The following ERICH3 variants were observed in gnomAD, a reference collection of about 807,000 sequenced individuals.
ERICH3 encodes the protein glutamate rich 3.
Under a neutral mutation model 131.1 loss-of-function variants are expected in ERICH3, and 126 were observed. The observed-to-expected ratio is 0.96, with a 90% CI of 0.83 to 1.11. The LOEUF is 1.11. Ranked by LOEUF, ERICH3 falls within the 50% of genes most tolerant of loss-of-function variation. ERICH3 has a pLI of 0.00. For synonymous variants in ERICH3, 695 were observed against 644.6 expected, an observed-to-expected ratio of 1.08 and a Z score of -1.18; for missense variants, 2,050 against 1,810.7, an observed-to-expected ratio of 1.13 and a Z score of -2.40.
At chr1:74,575,794 A>G (rs1484679279) in intron 13 of ERICH3, among the ~76,000 whole-genome samples, 1 of 152,252 alleles carries the variant, frequency 6.6e-6, no homozygotes, top group Non-Finnish European at 1.5e-5. Flanking sequence ...TCTAGGAGAG[A>G]AAGTGCTAAT....
chr1:74,610,264 C>G, intron 9 of ERICH3, among the ~76,000 whole-genome samples: 1 of 151,564 alleles, frequency 6.6e-6, no homozygotes, highest in East Asian at 1.9e-4. Context: ...TCTGAAAACA[C>G]CCAATGCCTC....
Position 74,588,466 on chromosome 1 carries a change from A to C in ERICH3, c.2176+1165T>G, listed in dbSNP as rs140946724. The stretch of plus-strand genomic sequence containing the variant: ...TTGAAGTAATAGATAACTATTCGAC[A>C]TCTTCAATTCCTAGTAGACCCCAGT... On this transcript the variant is annotated intron_variant, in intron 12 of 14. Coordinates refer to ENST00000326665, the MANE Select transcript of ERICH3 (RefSeq NM_001002912.5). 9.2e-3 allele frequency among the ~76,000 whole-genome samples: 1,408 copies of C among 152,292 alleles called. 66 individuals are homozygous for C. Among genetic ancestry groups the C allele is most frequent in the Admixed American group, 0.083 (1,265 of 15,280 alleles).
intron 12 of ERICH3, 24 bp from the exon 13 acceptor site, chr1:74,576,960 A>T: frequency 6.3e-7 from 1 of 1,581,718 alleles, no homozygotes; most frequent in Admixed American, 1.8e-5. Flanking sequence ...AAAAAAAGAA[A>T]AAAAAGGTCA....
chr1:74,601,587 A>G (rs1648133714), intron 10 of ERICH3, among the ~76,000 whole-genome samples: 2 of 151,898 alleles, frequency 1.3e-5, no homozygotes, highest in South Asian at 4.1e-4. Context: ...GAGGATGGAA[A>G]GTCATTTTAG....
intron 1 of ERICH3, among the ~76,000 whole-genome samples, chr1:74,660,030 G>A (rs546273018): frequency 6.6e-6 from 1 of 152,218 alleles, no homozygotes; most frequent in South Asian, 2.1e-4. Flanking sequence ...AACCCCATGT[G>A]TCAAGGGAGG....
At chr1:74,577,237 A>T in intron 12 of ERICH3, 1 of 142,006 alleles carries the variant, frequency 7.0e-6, no homozygotes. Flanking sequence ...TCTATTCCTT[A>T]GTTGAAAGAA....
chr1:74,601,549 G>C (rs1488101010), intron 10 of ERICH3, among the ~76,000 whole-genome samples: 1 of 151,866 alleles, frequency 6.6e-6, no homozygotes, highest in East Asian at 1.9e-4. Context: ...ATGTGAAGTA[G>C]TGTCAAGTAA....
intron 12 of ERICH3, chr1:74,578,280 AATGATG>A (rs3036371): frequency 7.1e-4 from 126 of 177,540 alleles, no homozygotes; most frequent in African/African-American, 2.1e-3. Context: ...TAATAACAGC[AATGATG>A]ATGATGATGA....
At chr1:74,663,789 C>T (rs1356797961) in intron 1 of ERICH3, among the ~76,000 whole-genome samples, 1 of 151,850 alleles carries the variant, frequency 6.6e-6, no homozygotes, top group African/African-American at 2.4e-5. Flanking sequence ...AAAATATAAT[C>T]ACCTACCTGT....
intron 10 of ERICH3, among the ~76,000 whole-genome samples, chr1:74,605,501 G>A (rs527449380): frequency 7.4e-5 from 11 of 147,958 alleles, no homozygotes; most frequent in African/African-American, 1.2e-4. Flanking sequence ...AAGCCTAATC[G>A]TTTTTTTTTT....
At chr1:74,609,383 T>C (rs749281647) in intron 9 of ERICH3, among the ~76,000 whole-genome samples, 7 of 152,096 alleles carry the variant, frequency 4.6e-5, no homozygotes, top group Non-Finnish European at 8.8e-5. Flanking sequence ...TAAATTAAAA[T>C]TAATTTCATT....
intron 2 of ERICH3, among the ~76,000 whole-genome samples, chr1:74,648,869 C>T (rs77619149): frequency 0.028 from 4,224 of 152,000 alleles, 202 homozygotes; most frequent in African/African-American, 0.097. Context: ...ATATTTTTTC[C>T]GAAGATGACA....
At chr1:74,667,809 C>T (rs11801957) in intron 1 of ERICH3, among the ~76,000 whole-genome samples, 14,845 of 152,136 alleles carry the variant, frequency 0.098, 2,455 homozygotes, top group African/African-American at 0.34. Flanking sequence ...TAGTTGATAT[C>T]GTTTGGCTCT....
intron 1 of ERICH3, among the ~76,000 whole-genome samples, chr1:74,659,675 G>A (rs1243719506): frequency 6.6e-6 from 1 of 152,166 alleles, no homozygotes; most frequent in Non-Finnish European, 1.5e-5. Context: ...TGTGCGGCAT[G>A]CACAATCTCT....
chr1:74,672,301 G>A (rs75827187), intron 1 of ERICH3, among the ~76,000 whole-genome samples: 12,796 of 152,192 alleles, frequency 0.084, 563 homozygotes, highest in South Asian at 0.11. Context: ...AAATTGCACA[G>A]GAGTTCAGCA....
chr1:74,637,839 A>G (rs948596777), intron 5 of ERICH3, among the ~76,000 whole-genome samples: 2 of 151,964 alleles, frequency 1.3e-5, no homozygotes, highest in South Asian at 2.1e-4. Flanking sequence ...GAGCCCAGGC[A>G]GGTCGAGTCT....
In ERICH3 at chr1:74,571,797, C is replaced by G. The variant is rs755307327; in HGVS notation, c.3913G>C (p.Glu1305Gln). The change falls in exon 14 of 15, where the codon GAG (glutamate) becomes CAG (glutamine). Residue 1305 changes from glutamate to glutamine, a missense_variant. Transcript: ENST00000326665. ...EEEEDKECTL[E>Q]TEAMQDRNSE... The stretch of plus-strand genomic sequence containing the variant: ...TTCCTGTCCTGCATCGCTTCTGTCT[C>G]CAGAGTGCACTCTTTGTCCTCTTCC... 4 of 1,613,876 alleles carry G rather than the reference C, an allele frequency of 2.5e-6. No individual in the cohort carries two copies. In the South Asian group the frequency reaches 4.4e-5, roughly 18 times the overall value.
chr1:74,570,994 T>C, intron 14 of ERICH3, 105 bp downstream of exon 14: 1 of 1,397,198 alleles, frequency 7.2e-7, no homozygotes, highest in Non-Finnish European at 9.6e-7. Flanking sequence ...GCCTGTGTGT[T>C]TATATGTGCA....
intron 11 of ERICH3, among the ~76,000 whole-genome samples, chr1:74,593,502 T>C (rs1462944062): frequency 6.6e-6 from 1 of 152,180 alleles, no homozygotes; most frequent in African/African-American, 2.4e-5. Context: ...AGAAATTACA[T>C]GAGAAAAATA....
Sources: gnomAD v4.1 joint callset for allele counts (sites outside exome capture counted in the v4.1 genomes callset) on GRCh38, gnomAD v4.1.1 for gene constraint, MANE v1.5 for transcripts, NCBI Gene and HGNC (gene_info 2026-07-23, HGNC 2026-07-21) for gene names.